Variants in DPT observed in about 807,000 individuals in gnomAD.
DPT encodes the protein dermatopontin.
Under a neutral mutation model 31.2 loss-of-function variants are expected in DPT, and 21 were observed. The observed-to-expected ratio is 0.67, with a 90% CI of 0.48 to 0.97. The LOEUF is 0.97. Ranked by LOEUF, DPT falls within the 50% of genes least tolerant of loss-of-function variation. DPT has a pLI of 0.00. For synonymous variants in DPT, 91 were observed against 86.9 expected (o/e 1.05, Z -0.26); for missense variants, 262 against 258.8 (o/e 1.01, Z -0.08).
intron 1 of DPT, among the ~76,000 whole-genome samples, chr1:168,725,730 T>C (rs1178544439): frequency 2.0e-5 from 3 of 152,228 alleles, no homozygotes; most frequent in East Asian, 3.8e-4. Flanking sequence ...ACCACTCAGC[T>C]ATGATGGCAA....
chr1:168,727,068 G>T (rs1276665846), intron 1 of DPT, among the ~76,000 whole-genome samples: 2 of 152,296 alleles, frequency 1.3e-5, no homozygotes, highest in African/African-American at 4.8e-5. Flanking sequence ...CTGTGGTCTT[G>T]CAGGTCCCCA....
chr1:168,722,467 T>C (rs1412892509), intron 1 of DPT, among the ~76,000 whole-genome samples: 2 of 152,316 alleles, frequency 1.3e-5, no homozygotes, highest in Admixed American at 6.5e-5. Flanking sequence ...TAATAATAAA[T>C]AACCTTTATC....
At chr1:168,709,427 C>G (rs1262512861) in intron 2 of DPT, among the ~76,000 whole-genome samples, 1 of 152,210 alleles carries the variant, frequency 6.6e-6, no homozygotes, top group Non-Finnish European at 1.5e-5. Flanking sequence ...GAGACCATTT[C>G]CTAATGGCAT....
In DPT at chr1:168,728,890, G is replaced by A; in HGVS notation, c.285C>T (p.Ile95=). Residue 95 remains isoleucine (I), a synonymous_variant, in exon 1 of 4, where the codon ATC becomes ATT. Coordinates refer to ENST00000367817, the MANE Select transcript of DPT (RefSeq NM_001937.5). ...GEPTECWWEE[I]NRAGMEWYQT... ...CTTACCATTCCATGCCAGCCCTGTT[G>A]ATCTCCTCCCACCAGCACTCCGTGG... 6.2e-7 allele frequency: 1 copy of A among 1,614,172 alleles called. No homozygotes were observed. The highest frequency in any genetic ancestry group is 8.5e-7 in the Non-Finnish European group (1 of 1,180,014).
intron 2 of DPT, among the ~76,000 whole-genome samples, chr1:168,703,620 G>T (rs12126497): frequency 0.16 from 24,403 of 152,140 alleles, 2,730 homozygotes; most frequent in African/African-American, 0.32. Flanking sequence ...TTTGTTTTGT[G>T]TGACTTTTGG....
At chr1:168,703,281 T>C (rs893489155) in intron 2 of DPT, among the ~76,000 whole-genome samples, 1 of 152,272 alleles carries the variant, frequency 6.6e-6, no homozygotes, top group Non-Finnish European at 1.5e-5. Context: ...GCTAGATTTT[T>C]ATTTTTTAAG....
At chr1:168,707,758 C>T (rs1349180736) in intron 2 of DPT, among the ~76,000 whole-genome samples, 1 of 152,114 alleles carries the variant, frequency 6.6e-6, no homozygotes, top group Non-Finnish European at 1.5e-5. Context: ...AGGGGCTTTT[C>T]CCCCTTTTGC....
chr1:168,728,786 T>C (rs1376111171), intron 1 of DPT, 84 bp downstream of exon 1: 9 of 1,521,450 alleles, frequency 5.9e-6, no homozygotes, highest in Non-Finnish European at 8.1e-6. Flanking sequence ...GTTACTGATA[T>C]TCCTTGAGAG....
At chr1:168,726,842 TC>T (rs1472752291) in intron 1 of DPT, among the ~76,000 whole-genome samples, 2 of 152,210 alleles carry the variant, frequency 1.3e-5, no homozygotes, top group African/African-American at 4.8e-5. Context: ...TCAGCATCTG[TC>T]AGAAGGGGTT....
chr1:168,709,973 C>G (rs1337087793), intron 2 of DPT, among the ~76,000 whole-genome samples: 1 of 152,174 alleles, frequency 6.6e-6, no homozygotes, highest in African/African-American at 2.4e-5. Context: ...GTTACTGTTC[C>G]TAGGGGCTTG....
intron 1 of DPT, among the ~76,000 whole-genome samples, chr1:168,725,149 C>G (rs1264189414): frequency 1.3e-5 from 2 of 151,612 alleles, no homozygotes; most frequent in Non-Finnish European, 2.9e-5. Flanking sequence ...CACAGTAACA[C>G]AAGTAGCAGC....
At chr1:168,725,056 T>C (rs1412719243) in intron 1 of DPT, among the ~76,000 whole-genome samples, 1 of 152,234 alleles carries the variant, frequency 6.6e-6, no homozygotes, top group African/African-American at 2.4e-5. Context: ...ACTAAACTTT[T>C]ACTACCTGCC....
At chr1:168,710,773 G>A (rs1162059026) in intron 2 of DPT, among the ~76,000 whole-genome samples, 1 of 151,944 alleles carries the variant, frequency 6.6e-6, no homozygotes, top group Non-Finnish European at 1.5e-5. Context: ...GGAAATCTGG[G>A]GCATCATTAA....
At chr1:168,726,518 G>A (rs1650245830) in intron 1 of DPT, among the ~76,000 whole-genome samples, 1 of 152,184 alleles carries the variant, frequency 6.6e-6, no homozygotes, top group African/African-American at 2.4e-5. Context: ...TCCAAATGAG[G>A]CGGGAGACTG....
chr1:168,714,967 A>T (rs1180533207), intron 1 of DPT, among the ~76,000 whole-genome samples: 1 of 150,344 alleles, frequency 6.7e-6, no homozygotes, highest in Non-Finnish European at 1.5e-5. Context: ...CACCCACAAG[A>T]CCATAAGCTC....
intron 2 of DPT, among the ~76,000 whole-genome samples, chr1:168,705,630 G>A (rs556620149): frequency 1.3e-5 from 2 of 152,330 alleles, no homozygotes; most frequent in East Asian, 3.9e-4. Flanking sequence ...TTTTAGAGAA[G>A]CTTCTGTTGG....
intron 1 of DPT, among the ~76,000 whole-genome samples, chr1:168,726,766 A>G (rs1650252601): frequency 2.0e-5 from 3 of 152,268 alleles, no homozygotes. Flanking sequence ...CATGCTCCAC[A>G]TTAGGCAGTG....
chr1:168,727,726 T>C (rs1650282647), intron 1 of DPT, among the ~76,000 whole-genome samples: 1 of 151,240 alleles, frequency 6.6e-6, no homozygotes, highest in Non-Finnish European at 1.5e-5. Context: ...TCTGTAGAGA[T>C]AGGGTCTGGC....
intron 2 of DPT, among the ~76,000 whole-genome samples, chr1:168,702,498 C>T (rs888161852): frequency 2.0e-5 from 3 of 152,052 alleles, no homozygotes; most frequent in Admixed American, 6.6e-5. Flanking sequence ...AAGTGAGGTA[C>T]CTGTGTTTTT....
Sources: gnomAD v4.1 joint callset for allele counts (sites outside exome capture counted in the v4.1 genomes callset) on GRCh38, gnomAD v4.1.1 for gene constraint, MANE v1.5 for transcripts, NCBI Gene and HGNC (gene_info 2026-07-23, HGNC 2026-07-21) for gene names.